Variants in FAM163B observed in about 807,000 individuals in gnomAD.
FAM163B encodes protein FAM163B.
A neutral mutation model predicts 7.6 loss-of-function variants in FAM163B; 4 were observed. The observed-to-expected ratio is 0.52, with a 90% CI of 0.26 to 1.20. The LOEUF is 1.20. Ranked by LOEUF, FAM163B falls within the 50% of genes most tolerant of loss-of-function variation. The probability of loss-of-function intolerance (pLI) is 0.14; values close to 1 mark genes in which losing one functional copy is unlikely to be tolerated. For missense variants in FAM163B, 250 were observed against 243.0 expected (o/e 1.03, Z -0.19); for synonymous variants, 120 against 111.6 (o/e 1.07, Z -0.47).
At chr9:133,596,563 C>T (rs1371860119) in intron 1 of FAM163B, among the ~76,000 whole-genome samples, 1 of 152,082 alleles carries the variant, frequency 6.6e-6, no homozygotes, top group East Asian at 1.9e-4. Context: ...ACAAGGAGGG[C>T]CCTGTGGTGG....
rs903948360 is a variant in FAM163B at position 133,577,126 on chromosome 9, G to A, written c.*1896C>T. ...CTTTCACTTTCCTCAGGGAGCCAGC[G>A]GCTCCCCCAGCAGGTCCCCACGGTG... On this transcript the variant is annotated 3_prime_UTR_variant, in exon 3 of 3. Transcript: ENST00000673969. Among the ~76,000 whole-genome samples the A allele has an allele frequency of 2.6e-5, 4 of 152,204 alleles. No homozygotes were observed. Among genetic ancestry groups the A allele is most frequent in the African/African-American group, 4.8e-5 (2 of 41,446 alleles).
In FAM163B at chr9:133,577,114, C is replaced by T. The variant is rs1347571545; in HGVS notation, c.*1908G>A. ...ATGTTTTATTGGCTTTCACTTTCCT[C>T]AGGGAGCCAGCGGCTCCCCCAGCAG... is the stretch of plus-strand genomic sequence containing the variant. On this transcript the variant is annotated 3_prime_UTR_variant, in exon 3 of 3. Transcript: ENST00000673969. Among the ~76,000 whole-genome samples, 1 of 152,218 alleles carries T rather than the reference C, an allele frequency of 6.6e-6. No homozygotes were observed. The highest frequency in any genetic ancestry group is 6.5e-5 in the Admixed American group (1 of 15,290).
chr9:133,607,322 C>T (rs751473486), intron 1 of FAM163B, among the ~76,000 whole-genome samples: 8 of 152,198 alleles, frequency 5.3e-5, no homozygotes, highest in Non-Finnish European at 8.8e-5. Flanking sequence ...CCCACCTTTC[C>T]CCAGGTGCCC....
intron 1 of FAM163B, among the ~76,000 whole-genome samples, chr9:133,583,511 G>A (rs1260383720): frequency 3.3e-5 from 5 of 152,228 alleles, no homozygotes; most frequent in Admixed American, 1.3e-4. Flanking sequence ...AACCCCAGGG[G>A]TTCTGTGGGA....
Position 133,609,058 on chromosome 9 carries a change from C to A in FAM163B, c.-24+19G>T, listed in dbSNP as rs1360043936. Among the ~76,000 whole-genome samples the A allele has an allele frequency of 3.3e-5, 5 of 152,338 alleles. No homozygotes were observed. Among genetic ancestry groups the A allele is most frequent in the Admixed American group, 1.3e-4 (2 of 15,314 alleles). On this transcript the variant is annotated intron_variant, in intron 1 of 2. Transcript: ENST00000673969. ...CTTCTGCCCCACACCCCGTGACCCG[C>A]GGCCCGCTCGGCCCTTACCTTGAAG...
At chr9:133,602,670 G>T (rs907182645) in intron 1 of FAM163B, among the ~76,000 whole-genome samples, 1 of 152,122 alleles carries the variant, frequency 6.6e-6, no homozygotes, top group Non-Finnish European at 1.5e-5. Flanking sequence ...TTCCATGAAG[G>T]TAAAATTAAA....
In FAM163B at chr9:133,590,103, TTCCCTTCCCCTCCCCTTCCCC is replaced by T. The variant is rs1588327468; in HGVS notation, c.-23-9878_-23-9858del. 1.9e-4 allele frequency among the ~76,000 whole-genome samples: 4 copies of T among 20,956 alleles called. 1 individual carries two copies. Among genetic ancestry groups the T allele is most frequent in the East Asian group, 7.9e-3 (2 of 252 alleles). The allele number at this position is 20,956 out of a possible 152,430, so 13.7% of individuals were successfully genotyped here. A position where few individuals can be genotyped will look rare whatever the true frequency, so the allele number is the denominator to read the frequency against. ...CCTTCCCCTTCCCTTCCCCTTCCCC[TTCCCTTCCCCTCCCCTTCCCC>T]TCCCCTTCCCCTCCCCTTCCCCTCC... is the stretch of plus-strand genomic sequence containing the variant. On this transcript the variant is annotated intron_variant, in intron 1 of 2. Transcript: ENST00000673969.
chr9:133,605,216 T>C (rs1410418841), intron 1 of FAM163B, among the ~76,000 whole-genome samples: 1 of 152,212 alleles, frequency 6.6e-6, no homozygotes, highest in African/African-American at 2.4e-5. Context: ...GGAGGTAAGC[T>C]GGCACATCAG....
rs539275351 is a variant in FAM163B at position 133,595,566 on chromosome 9, C to G, written c.-24+13511G>C. Among the ~76,000 whole-genome samples, 1,339 of 152,258 alleles carry G rather than the reference C, an allele frequency of 8.8e-3. 6 individuals carry two copies. The highest frequency in any genetic ancestry group is 0.012 in the Non-Finnish European group (844 of 68,028). Reference sequence around the variant, plus strand: ...GGGGCATTGTGCTCTCCCCGATCTCCCCCTCCCTCCTTGGCTGGCTTCTCC... The same window carrying G: ...GGGGCATTGTGCTCTCCCCGATCTCGCCCTCCCTCCTTGGCTGGCTTCTCC... On this transcript the variant is annotated intron_variant, in intron 1 of 2. Transcript: ENST00000673969.
chr9:133,590,266 C>CCTTTTTTCCTTT (rs1831531700), intron 1 of FAM163B, among the ~76,000 whole-genome samples: 1 of 141,158 alleles, frequency 7.1e-6, no homozygotes. Flanking sequence ...CTCCTTCCTT[C>CCTTTTTTCCTTT]CTTTTTTCTT....
chr9:133,578,977 T>C lies in FAM163B; in HGVS notation c.*45A>G, dbSNP rs1831298518. On this transcript the variant is annotated 3_prime_UTR_variant, in exon 3 of 3. Transcript: ENST00000673969. ...TGGGTGTGCCAAAGGAATCCCCCCA[T>C]TGTCTCAGGACCTTCAAGGCCAGGA... 2.1e-6 allele frequency: 3 copies of C among 1,452,490 alleles called. No homozygotes were observed. Among genetic ancestry groups the C allele is most frequent in the Non-Finnish European group, 1.8e-6 (2 of 1,103,748 alleles). The allele number at this position is 1,452,490 out of a possible 1,614,324, so 90.0% of individuals were successfully genotyped here. A position where few individuals can be genotyped will look rare whatever the true frequency, so the allele number is the denominator to read the frequency against.
intron 1 of FAM163B, among the ~76,000 whole-genome samples, chr9:133,586,466 T>G (rs963708913): frequency 6.6e-6 from 1 of 152,152 alleles, no homozygotes; most frequent in Non-Finnish European, 1.5e-5. Flanking sequence ...CTGGATTCCT[T>G]GAGGGGCCCC....
intron 1 of FAM163B, among the ~76,000 whole-genome samples, chr9:133,603,661 C>T (rs1831756699): frequency 6.6e-6 from 1 of 152,192 alleles, no homozygotes; most frequent in Non-Finnish European, 1.5e-5. Flanking sequence ...GTCTGTGCCA[C>T]ACCAGCTCCT....
At chr9:133,583,495 T>A (rs926650440) in intron 1 of FAM163B, among the ~76,000 whole-genome samples, 6 of 152,162 alleles carry the variant, frequency 3.9e-5, no homozygotes, top group Non-Finnish European at 8.8e-5. Context: ...CTCTATAAAA[T>A]GGGAGAACCC....
intron 1 of FAM163B, among the ~76,000 whole-genome samples, chr9:133,590,732 C>T (rs1163872907): frequency 6.6e-6 from 1 of 152,184 alleles, no homozygotes; most frequent in East Asian, 1.9e-4. Context: ...TGGAAGGCAC[C>T]CCAGACCCCA....
intron 1 of FAM163B, among the ~76,000 whole-genome samples, chr9:133,593,887 C>G (rs761910225): frequency 3.3e-5 from 5 of 152,146 alleles, no homozygotes; most frequent in Non-Finnish European, 7.4e-5. Context: ...ATTTCCCTTC[C>G]TAAGTCTGGG....
At chr9:133,591,850 A>T (rs913272987) in intron 1 of FAM163B, among the ~76,000 whole-genome samples, 1 of 152,014 alleles carries the variant, frequency 6.6e-6, no homozygotes, top group African/African-American at 2.4e-5. Context: ...CTGCCTCAGG[A>T]CGGGGACCGC....
rs1381500278 is a variant in FAM163B, at chr9:133,578,679, C to G, written c.*343G>C. ...CAGGGAGGGGGTGACACATGGAGAC[C>G]TCCTGGGAAGGCCAGGTTGTTGGGT... is the stretch of plus-strand genomic sequence containing the variant. On this transcript the variant is annotated 3_prime_UTR_variant, in exon 3 of 3. Coordinates refer to ENST00000673969, the MANE Select transcript of FAM163B (RefSeq NM_001080515.3). 1 of 291,824 alleles carries G rather than the reference C, an allele frequency of 3.4e-6. No individual in the cohort carries two copies. The highest frequency in any genetic ancestry group is 6.3e-6 in the Non-Finnish European group (1 of 158,328). 18.1% of individuals were successfully genotyped at this position (291,824 alleles called of 1,614,324 possible).
chr9:133,580,016 T>C (rs957724547), intron 2 of FAM163B, 115 bp downstream of exon 2: 3 of 829,124 alleles, frequency 3.6e-6, no homozygotes, highest in Admixed American at 2.1e-5. Context: ...GCCACAGGGC[T>C]CTTCCCCACT....
Sources: gnomAD v4.1 joint callset for allele counts (sites outside exome capture counted in the v4.1 genomes callset) on GRCh38, gnomAD v4.1.1 for gene constraint, MANE v1.5 for transcripts, NCBI Gene and HGNC (gene_info 2026-07-23, HGNC 2026-07-21) for gene names.